SLC10A2: variants seen among roughly 807,000 people sequenced by gnomAD.
SLC10A2 encodes the protein solute carrier family 10 member 2.
A neutral mutation model predicts 27.1 loss-of-function variants in SLC10A2; 34 were observed. That is an observed-to-expected ratio of 1.26 (90% CI 0.96 to 1.67). The LOEUF (loss-of-function observed/expected upper bound fraction) is 1.67. Among genes scored for constraint, SLC10A2 ranks in the 40% most tolerant of loss-of-function variants. The pLI is 0.00. For synonymous variants in SLC10A2, 205 were observed against 174.0 expected, an observed-to-expected ratio of 1.18 and a Z score of -1.40; for missense variants, 530 against 444.4, an observed-to-expected ratio of 1.19 and a Z score of -1.73.
At position 103,066,110 on chromosome 13, in the gene SLC10A2, A is replaced by C; in HGVS notation, c.140T>G (p.Phe47Cys). The change falls in exon 1 of 6, where the codon TTC becomes TGC. Residue 47 changes from phenylalanine (F) to cysteine (C), a missense_variant. Physicochemically the swap from Phe to Cys is radical, Grantham distance 205 (BLOSUM62 -2). Coordinates refer to ENST00000245312, the MANE Select transcript of SLC10A2 (RefSeq NM_000452.3). ...VLTILLALVM[F>C]SMGCNVEIKK... is the part of the protein sequence containing the mutation. The stretch of plus-strand genomic sequence containing the variant: ...GATTTCCACGTTGCATCCCATGGAG[A>C]ACATCACCAAGGCCAACAGGATGGT... The C allele has an allele frequency of 6.2e-7, 1 of 1,614,040 alleles. No individual in the cohort carries two copies. The highest frequency in any genetic ancestry group is 8.5e-7 in the Non-Finnish European group (1 of 1,179,934).
chr13:103,052,030 C>G (rs1875797895), intron 3 of SLC10A2, among the ~76,000 whole-genome samples: 1 of 152,222 alleles, frequency 6.6e-6, no homozygotes, highest in Non-Finnish European at 1.5e-5. Context: ...AATGGACTTA[C>G]TTTGCCCCGA....
chr13:103,066,339 C>T lies in SLC10A2; in HGVS notation c.-90G>A. The T allele has an allele frequency of 1.4e-6, 2 of 1,432,392 alleles. No homozygotes were observed. The highest frequency in any genetic ancestry group is 1.9e-6 in the Non-Finnish European group (2 of 1,075,308). 88.7% of individuals were successfully genotyped at this position (1,432,392 alleles called of 1,614,324 possible). A position where few individuals can be genotyped will look rare whatever the true frequency, so the allele number is the denominator to read the frequency against. ...TGCTGGTTGAGTTAAGCAACGTTTA[C>T]TTCTACCCCATCAAACTTTTAAACC... On this transcript the variant is annotated 5_prime_UTR_variant, in exon 1 of 6. Transcript: ENST00000245312.
At chr13:103,052,843 G>T in intron 2 of SLC10A2, 135 bp from the exon 3 acceptor site, 2 of 697,724 alleles carry the variant, frequency 2.9e-6, no homozygotes, top group Non-Finnish European at 5.3e-6. Context: ...ACAGAATACA[G>T]AATTACACAC....
At chr13:103,054,936 C>T (rs936225634) in intron 2 of SLC10A2, among the ~76,000 whole-genome samples, 1 of 152,110 alleles carries the variant, frequency 6.6e-6, no homozygotes, top group Admixed American at 6.5e-5. Flanking sequence ...AAAAAGCATC[C>T]ACTCATGGTT....
chr13:103,049,303 G>T lies in SLC10A2; in HGVS notation c.905C>A (p.Ala302Glu). The change falls in exon 5 of 6, where the codon GCA becomes GAA. Residue 302 changes from alanine (A) to glutamate (E), a missense_variant. Coordinates refer to ENST00000245312, the MANE Select transcript of SLC10A2 (RefSeq NM_000452.3). ...IYSIFQLAFA[A>E]IFLGFYVAYK... ...TGATTCCTTACATCCTAAGAATATT[G>T]CGGCAAAGGCGAGCTGGAAAATGCT... 1 of 1,613,688 alleles carries T rather than the reference G, an allele frequency of 6.2e-7. No individual in the cohort carries two copies.
chr13:103,063,254 G>A (rs1005601089), intron 1 of SLC10A2, among the ~76,000 whole-genome samples: 55 of 152,036 alleles, frequency 3.6e-4, no homozygotes, highest in African/African-American at 1.0e-3. Context: ...AAAATGCGGT[G>A]GCTTTCCAGG....
Position 103,049,377 on chromosome 13 carries a change from G to A in SLC10A2, c.831C>T (p.Ser277=). 1 of 1,614,056 alleles carries A rather than the reference G, an allele frequency of 6.2e-7. No homozygotes were observed. The highest frequency in any genetic ancestry group is 8.5e-7 in the Non-Finnish European group (1 of 1,179,956). The change falls in exon 5 of 6, where the codon TCC becomes TCT. Residue 277 remains serine (S), a synonymous_variant. Transcript: ENST00000245312. ...TQLCSTIVQL[S]FTPEELNVVF... is the part of the protein sequence containing the mutation. ...CGACATTGAGCTCCTCAGGAGTGAA[G>A]GAGAGCTGAACGATGGTGGAACATA...
rs138738511 is a variant in SLC10A2, at chr13:103,048,215, G to A, written c.919+1074C>T. On this transcript the variant is annotated intron_variant, in intron 5 of 5. Coordinates refer to ENST00000245312, the MANE Select transcript of SLC10A2 (RefSeq NM_000452.3). ...CATGATCTGCCCGCCTCGGAACCCC[G>A]TCTCTACTAAAAATACAAAAACAAA... is the stretch of plus-strand genomic sequence containing the variant. Among the ~76,000 whole-genome samples the A allele has an allele frequency of 1.5e-3, 231 of 151,934 alleles. 1 individual carries two copies. The highest frequency in any genetic ancestry group is 5.5e-3 in the African/African-American group (226 of 41,454).
intron 1 of SLC10A2, among the ~76,000 whole-genome samples, chr13:103,060,137 C>T (rs919347931): frequency 2.0e-5 from 3 of 152,094 alleles, no homozygotes; most frequent in African/African-American, 4.8e-5. Flanking sequence ...GTGAGTCTTC[C>T]GGGTCCTCTT....
At position 103,062,752 on chromosome 13, in the gene SLC10A2, A is replaced by G. The variant is rs146092926; in HGVS notation, c.377+3121T>C. 3.9e-3 allele frequency among the ~76,000 whole-genome samples: 597 copies of G among 152,278 alleles called. 5 individuals carry two copies. The highest frequency in any genetic ancestry group is 0.013 in the African/African-American group (539 of 41,544). ...ACAGCATTTGCCCAAAGAACAAAGG[A>G]TGTGGTAGGAAAGTCTGTAAAATAA... is the stretch of plus-strand genomic sequence containing the variant. On this transcript the variant is annotated intron_variant, in intron 1 of 5. Transcript: ENST00000245312.
intron 2 of SLC10A2, among the ~76,000 whole-genome samples, chr13:103,057,117 C>A (rs1459694651): frequency 6.6e-6 from 1 of 152,146 alleles, no homozygotes. Context: ...GAAACCCACA[C>A]CTTTCTGAGG....
chr13:103,051,279 T>G lies in SLC10A2; in HGVS notation c.739A>C (p.Ile247Leu). The change falls in exon 4 of 6, where the codon ATT (isoleucine) becomes CTT (leucine). Residue 247 changes from isoleucine to leucine, a missense_variant. Coordinates refer to ENST00000245312, the MANE Select transcript of SLC10A2 (RefSeq NM_000452.3). ...GYSLGFLLAR[I>L]AGLPWYRCRT... ...TACCTGTACCAGGGTAGACCAGCAA[T>G]TCTAGCCAGAAGAAACCCCAGGGAG... 1 of 1,614,080 alleles carries G rather than the reference T, an allele frequency of 6.2e-7. No individual in the cohort carries two copies. The highest frequency in any genetic ancestry group is 8.5e-7 in the Non-Finnish European group (1 of 1,179,990).
Position 103,045,850 on chromosome 13 carries a change from G to A in SLC10A2, c.*283C>T, listed in dbSNP as rs189254308. On this transcript the variant is annotated 3_prime_UTR_variant, in exon 6 of 6. Transcript: ENST00000245312. ...TTCATTCTCGGTGTTCCCTATGTCA[G>A]GTTTAGTCTGAGAATATTTTGGGGG... The A allele has an allele frequency of 3.4e-5, 9 of 267,372 alleles. No individual in the cohort carries two copies. The East Asian group carries it at 7.5e-4, about 22-fold the overall frequency. The allele number at this position is 267,372 out of a possible 1,614,324, so 16.6% of individuals were successfully genotyped here. A position where few individuals can be genotyped will look rare whatever the true frequency, so the allele number is the denominator to read the frequency against.
intron 1 of SLC10A2, among the ~76,000 whole-genome samples, chr13:103,063,044 C>G (rs1211315724): frequency 6.6e-6 from 1 of 152,140 alleles, no homozygotes; most frequent in Non-Finnish European, 1.5e-5. Flanking sequence ...AAGTCACCAT[C>G]TCTTCTCCCT....
intron 5 of SLC10A2, among the ~76,000 whole-genome samples, chr13:103,048,582 T>TA (rs754392917): frequency 2.8e-4 from 43 of 151,836 alleles, no homozygotes; most frequent in South Asian, 1.5e-3. Context: ...GCTTTTTTAT[T>TA]AAAAAAAATA....
chr13:103,051,310 C>T lies in SLC10A2; in HGVS notation c.708G>A (p.Ala236=), dbSNP rs1041398293. Residue 236 remains alanine, a synonymous_variant, in exon 4 of 6, where the codon GCG becomes GCA. Coordinates refer to ENST00000245312, the MANE Select transcript of SLC10A2 (RefSeq NM_000452.3). ...LWIIGTIFPV[A]GYSLGFLLAR... is the part of the protein sequence containing the mutation. The stretch of plus-strand genomic sequence containing the variant: ...CCAGAAGAAACCCCAGGGAGTAACC[C>T]GCCACAGGAAATATTGTTCCTATAA... 6.2e-6 allele frequency: 10 copies of T among 1,614,066 alleles called. No individual in the cohort carries two copies. Among genetic ancestry groups the T allele is most frequent in the Middle Eastern group, 1.6e-4 (1 of 6,062 alleles).
intron 5 of SLC10A2, among the ~76,000 whole-genome samples, chr13:103,047,328 A>T (rs1360548798): frequency 6.6e-6 from 1 of 152,154 alleles, no homozygotes; most frequent in African/African-American, 2.4e-5. Flanking sequence ...CTAGTCATAT[A>T]TTATTTTCAA....
chr13:103,066,004 T>C lies in SLC10A2; in HGVS notation c.246A>G (p.Thr82=), dbSNP rs761652195. ...FLCQFGIMPL[T]GFILSVAFDI... Reference sequence around the variant, plus strand: ...CAAAGGCCACCGACAGGATGAATCCTGTGAGGGGCATGATTCCAAACTGAC... The same window carrying C: ...CAAAGGCCACCGACAGGATGAATCCCGTGAGGGGCATGATTCCAAACTGAC... The change falls in exon 1 of 6, where the codon ACA becomes ACG. Residue 82 remains threonine, a synonymous_variant. Coordinates refer to ENST00000245312, the MANE Select transcript of SLC10A2 (RefSeq NM_000452.3). 17 of 1,613,902 alleles carry C rather than the reference T, an allele frequency of 1.1e-5. No individual in the cohort carries two copies. In the Admixed American group the frequency reaches 1.7e-4, roughly 16 times the overall value.
chr13:103,051,222 T>G (rs1280911800), intron 4 of SLC10A2, 35 bp downstream of exon 4: 1 of 1,607,178 alleles, frequency 6.2e-7, no homozygotes, highest in Admixed American at 1.7e-5. Context: ...ATATTACAGA[T>G]TAAAATTCCC....
Sources: allele counts gnomAD v4.1 joint callset (sites outside exome capture counted in the v4.1 genomes callset), GRCh38; gene constraint gnomAD v4.1.1; transcripts MANE v1.5; gene names NCBI Gene and HGNC (gene_info 2026-07-23, HGNC 2026-07-21).